The following POLK variants were observed in gnomAD, a reference collection of about 807,000 sequenced individuals.
The protein encoded by POLK is DNA polymerase kappa.
POLK carries 76 observed loss-of-function variants against 94.0 expected under a neutral mutation model. That is an observed-to-expected ratio of 0.81 (90% CI 0.67 to 0.98). The LOEUF is 0.98. Among genes scored for constraint, POLK ranks in the 50% least tolerant of loss-of-function variants. POLK has a pLI of 0.00. For missense variants in POLK, 954 were observed against 1,010.1 expected (o/e 0.94, Z 0.75); for synonymous variants, 349 against 325.4 (o/e 1.07, Z -0.78).
At chr5:75,603,446 G>T (rs1433793531), downstream of POLK, among the ~76,000 whole-genome samples, 2 of 149,354 alleles carry the variant, frequency 1.3e-5, no homozygotes, top group Non-Finnish European at 3.0e-5. Flanking sequence ...AAAAAAAGCA[G>T]TTTTCAAAAG....
intron 1 of POLK, among the ~76,000 whole-genome samples, chr5:75,520,565 G>GA (rs1307211454): frequency 6.6e-6 from 1 of 151,790 alleles, no homozygotes; most frequent in Non-Finnish European, 1.5e-5. Flanking sequence ...CAGGTAATTA[G>GA]AAAAAAAATT....
chr5:75,601,672 A>G (rs1773300056), downstream of POLK, among the ~76,000 whole-genome samples: 2 of 152,144 alleles, frequency 1.3e-5, no homozygotes, highest in African/African-American at 4.8e-5. Context: ...CAAGTTCTTC[A>G]GCTTTTGGAC....
At chr5:75,569,613 C>T (rs1433939785) in intron 4 of POLK, 121 bp downstream of exon 4, 3 of 808,128 alleles carry the variant, frequency 3.7e-6, no homozygotes, top group African/African-American at 3.5e-5. Flanking sequence ...TTCTGGGTGC[C>T]TTATATATGA....
intron 1 of POLK, among the ~76,000 whole-genome samples, chr5:75,521,847 A>G (rs1226362746): frequency 6.6e-6 from 1 of 151,496 alleles, no homozygotes; most frequent in Non-Finnish European, 1.5e-5. Context: ...CCTCTGCCCT[A>G]GTAAAGGATC....
At chr5:75,511,703 C>T (rs1179525040), upstream of POLK, 6 of 1,543,842 alleles carry the variant, frequency 3.9e-6, no homozygotes, top group East Asian at 2.4e-5. Flanking sequence ...CCCCGTCCCC[C>T]TCCCGGCGTC....
At chr5:75,539,155 A>T (rs773593079) in intron 1 of POLK, among the ~76,000 whole-genome samples, 1 of 152,112 alleles carries the variant, frequency 6.6e-6, no homozygotes, top group Non-Finnish European at 1.5e-5. Context: ...TCTTTTTAAC[A>T]TTGTGCTCTT....
chr5:75,558,905 T>C (rs1770789278), intron 3 of POLK, among the ~76,000 whole-genome samples: 1 of 152,220 alleles, frequency 6.6e-6, no homozygotes, highest in Non-Finnish European at 1.5e-5. Context: ...TTAAAGCTCA[T>C]ATCCTTAAAT....
chr5:75,531,512 AG>A (rs1489487875), intron 1 of POLK, among the ~76,000 whole-genome samples: 1 of 152,050 alleles, frequency 6.6e-6, no homozygotes, highest in Non-Finnish European at 1.5e-5. Flanking sequence ...ATAAAACTTG[AG>A]GCTGGGTGTG....
rs138546536 is a variant in POLK, at chr5:75,584,031, A to G, written c.1059+614A>G. Among the ~76,000 whole-genome samples the G allele has an allele frequency of 9.5e-4, 145 of 152,308 alleles. 1 individual carries two copies. Among genetic ancestry groups the G allele is most frequent in the African/African-American group, 3.3e-3 (137 of 41,580 alleles). Reference sequence around the variant, plus strand: ...ATTTAAATATTTTTCAATGCTCAGTATGTAATATGTAATGATTACTGACTA... The same window carrying G: ...ATTTAAATATTTTTCAATGCTCAGTGTGTAATATGTAATGATTACTGACTA... On this transcript the variant is annotated intron_variant, in intron 8 of 14. Transcript: ENST00000241436.
At chr5:75,600,507 C>T (rs1006437326) in exon 15 of POLK, 4 of 152,114 alleles carry the variant, frequency 2.6e-5, no homozygotes, top group African/African-American at 9.7e-5. Context: ...CTAACTAATA[C>T]AATGCCTTGG....
chr5:75,573,387 T>C (rs1485312556), intron 4 of POLK, among the ~76,000 whole-genome samples: 1 of 151,996 alleles, frequency 6.6e-6, no homozygotes, highest in East Asian at 1.9e-4. Flanking sequence ...GGGGGAGGGA[T>C]AGCATTAGGA....
At chr5:75,533,357 C>T (rs573273987) in intron 1 of POLK, among the ~76,000 whole-genome samples, 41 of 152,184 alleles carry the variant, frequency 2.7e-4, no homozygotes, top group African/African-American at 4.1e-4. Flanking sequence ...TTCTCCATTG[C>T]GTGTTTTTGT....
At chr5:75,599,924 T>C (rs1267675214) in exon 15 of POLK, 1 of 152,184 alleles carries the variant, frequency 6.6e-6, no homozygotes, top group East Asian at 1.9e-4. Flanking sequence ...CTGTTTTGTC[T>C]ATTATATCCA....
At chr5:75,572,917 A>G (rs1466077153) in intron 4 of POLK, among the ~76,000 whole-genome samples, 1 of 152,206 alleles carries the variant, frequency 6.6e-6, no homozygotes, top group Non-Finnish European at 1.5e-5. Context: ...TGTTGGTAGG[A>G]CTGTAAACTA....
In POLK at chr5:75,593,948, C is replaced by CT; in HGVS notation, c.1428dup (p.Val477CysfsTer13). On this transcript the variant is annotated frameshift_variant, in exon 12 of 15. Transcript: ENST00000241436. LOFTEE classifies it high-confidence loss of function. ...AAAACTCGTGCATCTACAGTTTCAT[C>CT]TGTTGTTTCTACTGCAGAAGAAATA... 6.2e-7 allele frequency: 1 copy of CT among 1,608,902 alleles called. No homozygotes were observed. The highest frequency in any genetic ancestry group is 1.1e-5 in the South Asian group (1 of 90,708).
At chr5:75,513,951 T>A (rs6863398) in intron 1 of POLK, among the ~76,000 whole-genome samples, 53,756 of 151,884 alleles carry the variant, frequency 0.35, 11,658 homozygotes, top group African/African-American at 0.62. Context: ...TAGAATCCTC[T>A]TGATAGTTAT....
At chr5:75,597,896 C>T in intron 14 of POLK, 38 bp from the exon 15 acceptor site, 1 of 1,202,008 alleles carries the variant, frequency 8.3e-7, no homozygotes, top group East Asian at 2.5e-5. Flanking sequence ...TCTAGAATCT[C>T]TTCCTGCATT....
exon 9 of POLK, chr5:75,584,872 C>A: frequency 6.2e-7 from 1 of 1,607,402 alleles, no homozygotes. Context: ...TCTGAAACAT[C>A]TTGGCATTAT....
Position 75,548,889 on chromosome 5 carries a change from C to T in POLK, c.135+1732C>T, listed in dbSNP as rs536959465. Reference sequence around the variant, plus strand: ...AGCTTTTGCAGATTTGAAAATTCCACGATAAAAAGTTAAGGAATTATTGTT... The same window carrying T: ...AGCTTTTGCAGATTTGAAAATTCCATGATAAAAAGTTAAGGAATTATTGTT... On this transcript the variant is annotated intron_variant, in intron 2 of 14. Transcript: ENST00000241436. 7.6e-4 allele frequency among the ~76,000 whole-genome samples: 115 copies of T among 151,922 alleles called. No individual in the cohort carries two copies. The South Asian group carries it at 0.011, about 14-fold the overall frequency.
Sources: allele counts gnomAD v4.1 joint callset (sites outside exome capture counted in the v4.1 genomes callset), GRCh38; gene constraint gnomAD v4.1.1; transcripts MANE v1.5; gene names NCBI Gene and HGNC (gene_info 2026-07-23, HGNC 2026-07-21).